Variants in DTX1 observed in about 807,000 individuals in gnomAD.
The protein encoded by DTX1 is E3 ubiquitin-protein ligase DTX1.
A neutral mutation model predicts 57.8 loss-of-function variants in DTX1; 26 were observed. That is an observed-to-expected ratio of 0.45 (90% confidence interval 0.33 to 0.62). The LOEUF is 0.62. Ranked by LOEUF, DTX1 falls within the 20% of genes least tolerant of loss-of-function variation. DTX1 has a pLI of 0.02. For synonymous variants in DTX1, 398 were observed against 394.1 expected, an observed-to-expected ratio of 1.01 and a Z score of -0.12; for missense variants, 704 against 895.3, an observed-to-expected ratio of 0.79 and a Z score of 2.73.
intron 3 of DTX1, among the ~76,000 whole-genome samples, chr12:113,083,147 G>C (rs564062927): frequency 6.6e-6 from 1 of 152,196 alleles, no homozygotes; most frequent in South Asian, 2.1e-4. Flanking sequence ...AAGGACATCA[G>C]TCCTATTGGA....
intron 2 of DTX1, among the ~76,000 whole-genome samples, chr12:113,071,478 G>GACCA (rs1438522375): frequency 6.6e-6 from 1 of 152,268 alleles, no homozygotes; most frequent in Non-Finnish European, 1.5e-5. Context: ...AACTGCCTGG[G>GACCA]GGACGCAGAC....
In DTX1 at chr12:113,096,919, G is replaced by A. The variant is rs762618389; in HGVS notation, c.1843G>A (p.Glu615Lys). ...LAELTAQGVS[E>K]AAAKA Reference sequence around the variant, plus strand: ...TGAGCTCACAGCCCAGGGCGTATCCGAGGCTGCAGCCAAGGCTTGAGGCCC... The same window carrying A: ...TGAGCTCACAGCCCAGGGCGTATCCAAGGCTGCAGCCAAGGCTTGAGGCCC... The change falls in exon 10 of 10, where the codon GAG (glutamate) becomes AAG (lysine). Residue 615 changes from glutamate (E) to lysine (K), a missense_variant. Coordinates refer to ENST00000548759, the MANE Select transcript of DTX1 (RefSeq NM_004416.3). The A allele has an allele frequency of 1.4e-5, 22 of 1,611,594 alleles. 1 individual carries two copies. In the Middle Eastern group the frequency reaches 6.6e-4, roughly 48 times the overall value.
intron 2 of DTX1, among the ~76,000 whole-genome samples, chr12:113,076,579 A>G (rs1029452776): frequency 7.7e-4 from 118 of 152,278 alleles, no homozygotes; most frequent in African/African-American, 2.6e-3. Flanking sequence ...AGCCTGGGCA[A>G]CATAGGGAGA....
At position 113,093,546 on chromosome 12, in the gene DTX1, C is replaced by G; in HGVS notation, c.1011C>G (p.Thr337=). The G allele has an allele frequency of 6.2e-7, 1 of 1,606,348 alleles. No homozygotes were observed. The highest frequency in any genetic ancestry group is 8.5e-7 in the Non-Finnish European group (1 of 1,176,548). The change falls in exon 5 of 10, where the codon ACC becomes ACG. Residue 337 remains threonine (T), a synonymous_variant. Transcript: ENST00000548759. The surrounding 1 kb of genome is among the most constrained non-coding windows in gnomAD (Gnocchi z 4.2). ...GPVHPALAGM[T]GILLCAAGLP... ...GCGCCCCCTAACCCCCAGGGATGAC[C>G]GGGATACTGCTGTGCGCGGCCGGGC...
chr12:113,082,095 G>A (rs80010427), intron 3 of DTX1, among the ~76,000 whole-genome samples: 23,697 of 152,086 alleles, frequency 0.16, 2,484 homozygotes, highest in Middle Eastern at 0.32. Flanking sequence ...CCCCACAGCC[G>A]ACATCATTTC....
intron 2 of DTX1, among the ~76,000 whole-genome samples, chr12:113,071,632 G>T (rs115160030): frequency 0.016 from 2,496 of 152,346 alleles, 63 homozygotes; most frequent in African/African-American, 0.056. Context: ...GAAAATCTAG[G>T]CCATGGCCAC....
intron 2 of DTX1, among the ~76,000 whole-genome samples, chr12:113,059,448 G>A (rs1289468560): frequency 6.6e-6 from 1 of 152,122 alleles, no homozygotes; most frequent in African/African-American, 2.4e-5. Context: ...TGATGTTGAT[G>A]GTTGCGTTGG....
At chr12:113,094,134 T>C (rs1332503309) in intron 6 of DTX1, 35 bp downstream of exon 6, 2 of 945,264 alleles carry the variant, frequency 2.1e-6, no homozygotes, top group South Asian at 1.4e-5. Flanking sequence ...GGGAGGGCCC[T>C]GGCATGGAGG....
Position 113,077,868 on chromosome 12 carries a change from C to CGCG in DTX1, c.706_707insGGC (p.Pro235_Pro236insArg). On this transcript the variant is annotated inframe_insertion, in exon 3 of 10. Coordinates refer to ENST00000548759, the MANE Select transcript of DTX1 (RefSeq NM_004416.3). The surrounding 1 kb of genome is among the most constrained non-coding windows in gnomAD (Gnocchi z 7.8). ...CCCCCCGCGCCCCCGCTGCCGCCGC[C>CGCG]GCCGCCACCTGGAGGGCCTCCAGGC... 7.6e-7 allele frequency: 1 copy of CGCG among 1,309,244 alleles called. No homozygotes were observed. The highest frequency in any genetic ancestry group is 9.6e-7 in the Non-Finnish European group (1 of 1,039,118). The allele number at this position is 1,309,244 out of a possible 1,614,324, so 81.1% of individuals were successfully genotyped here. A position where few individuals can be genotyped will look rare whatever the true frequency, so the allele number is the denominator to read the frequency against.
At chr12:113,080,090 TG>T (rs34456508) in intron 3 of DTX1, among the ~76,000 whole-genome samples, 39,993 of 151,888 alleles carry the variant, frequency 0.26, 5,328 homozygotes, top group Middle Eastern at 0.34. Flanking sequence ...TTTCCAGGGA[TG>T]CATCACAGCC....
At chr12:113,073,601 G>A (rs1025458775) in intron 2 of DTX1, among the ~76,000 whole-genome samples, 2 of 152,122 alleles carry the variant, frequency 1.3e-5, no homozygotes, top group Non-Finnish European at 2.9e-5. Flanking sequence ...CCAGCTATTG[G>A]GGCCTGTCCA....
chr12:113,084,577 G>A (rs751749017), intron 3 of DTX1, among the ~76,000 whole-genome samples: 86 of 152,218 alleles, frequency 5.6e-4, no homozygotes, highest in Non-Finnish European at 6.5e-4. Flanking sequence ...AGAGATGGGC[G>A]TCTCACTATG....
intron 3 of DTX1, among the ~76,000 whole-genome samples, chr12:113,089,468 G>A (rs952703809): frequency 1.3e-5 from 2 of 152,178 alleles, no homozygotes; most frequent in African/African-American, 4.8e-5. Flanking sequence ...TGCCAGCCTG[G>A]GCCCCCAAGA....
chr12:113,083,307 G>C (rs949164896), intron 3 of DTX1, among the ~76,000 whole-genome samples: 5 of 152,130 alleles, frequency 3.3e-5, no homozygotes, highest in African/African-American at 1.2e-4. Context: ...ATGTGTCTGT[G>C]TGTCTCTCCT....
chr12:113,090,735 G>A (rs1226581406), intron 3 of DTX1, among the ~76,000 whole-genome samples: 2 of 152,216 alleles, frequency 1.3e-5, no homozygotes, highest in South Asian at 2.1e-4. Context: ...TCCTGGCCAC[G>A]TGATACTATC....
rs751052771 is a variant in DTX1 at position 113,096,762 on chromosome 12, T to C, written c.1686T>C (p.Thr562=). ...ITAWERRLIF[T]IGTSNTTGES... ...CCTGGGAGAGAAGACTCATCTTCAC[T>C]ATCGGCACGTCCAACACCACGGGCG... The change falls in exon 10 of 10, where the codon ACT becomes ACC. Residue 562 remains threonine, a synonymous_variant. Transcript: ENST00000548759. 6.8e-6 allele frequency: 11 copies of C among 1,613,690 alleles called. No homozygotes were observed. Among genetic ancestry groups the C allele is most frequent in the Non-Finnish European group, 9.3e-6 (11 of 1,180,034 alleles).
chr12:113,062,584 A>G (rs1203308034), intron 2 of DTX1, among the ~76,000 whole-genome samples: 3 of 152,196 alleles, frequency 2.0e-5, no homozygotes, highest in Non-Finnish European at 4.4e-5. Context: ...AGCATGGGGT[A>G]AGACCGTGCT....
At chr12:113,094,238 T>C (rs1176805139) in intron 6 of DTX1, 139 bp downstream of exon 6, 4 of 699,332 alleles carry the variant, frequency 5.7e-6, no homozygotes, top group South Asian at 4.0e-5. Flanking sequence ...TTTTGATGAA[T>C]AGAAATACTT....
chr12:113,095,428 C>G lies in DTX1; in HGVS notation c.1638+14C>G. 1 of 1,614,088 alleles carries G rather than the reference C, an allele frequency of 6.2e-7. No homozygotes were observed. On this transcript the variant is annotated intron_variant, in intron 9 of 9. Transcript: ENST00000548759. ...AAAGGCCGGAAGGTGGGTGCCCAGC[C>G]GTGAGGGCATGGGAGATAGGCACAG...
Sources: gnomAD v4.1 joint callset for allele counts (sites outside exome capture counted in the v4.1 genomes callset) on GRCh38, gnomAD v4.1.1 for gene constraint, Gnocchi (gnomAD v3.1) non-coding constraint, MANE v1.5 for transcripts, NCBI Gene and HGNC (gene_info 2026-07-23, HGNC 2026-07-21) for gene names.